The following SRBD1 variants were observed in gnomAD, a reference collection of about 807,000 sequenced individuals.
SRBD1 encodes the protein S1 RNA binding domain 1, also known as S1 RNA-binding domain-containing protein 1.
In SRBD1, 88 loss-of-function variants were observed where a neutral mutation model predicts 115.3. That is an observed-to-expected ratio of 0.76 (90% CI 0.64 to 0.91). SRBD1 has a LOEUF of 0.91. Ranked by LOEUF, SRBD1 falls within the 40% of genes least tolerant of loss-of-function variation. The pLI is 0.00. For missense variants in SRBD1, 1,385 were observed against 1,177.4 expected (o/e 1.18, Z -2.58); for synonymous variants, 509 against 407.7 (o/e 1.25, Z -2.99).
intron 14 of SRBD1, among the ~76,000 whole-genome samples, chr2:45,526,407 T>C (rs1205339591): frequency 1.3e-5 from 2 of 151,924 alleles, no homozygotes; most frequent in Non-Finnish European, 2.9e-5. Flanking sequence ...GAAATCTATC[T>C]ATAGAGACAA....
intron 16 of SRBD1, among the ~76,000 whole-genome samples, chr2:45,471,975 C>G (rs1247814569): frequency 2.0e-5 from 3 of 152,072 alleles, no homozygotes; most frequent in African/African-American, 7.2e-5. Context: ...CAAATCCATT[C>G]TGAGGTATAC....
chr2:45,452,884 C>A lies in SRBD1; in HGVS notation c.2049+24109G>T, dbSNP rs181692421. Among the ~76,000 whole-genome samples, 28 of 151,952 alleles carry A rather than the reference C, an allele frequency of 1.8e-4. No individual in the cohort carries two copies. In the East Asian group the frequency reaches 2.9e-3, roughly 16 times the overall value. ...ATGCAAATGGTTAATGTGGAATAAA[C>A]TGTATACTAGGTTTTCGTTAGAATG... On this transcript the variant is annotated intron_variant, in intron 16 of 20. Transcript: ENST00000263736.
intron 1 of SRBD1, among the ~76,000 whole-genome samples, chr2:45,606,486 G>A (rs1016163339): frequency 6.6e-6 from 1 of 152,110 alleles, no homozygotes; most frequent in Non-Finnish European, 1.5e-5. Flanking sequence ...AATGAATAAA[G>A]TAGAGGTCTC....
At chr2:45,405,643 T>C (rs1443147450) in intron 19 of SRBD1, among the ~76,000 whole-genome samples, 1 of 151,978 alleles carries the variant, frequency 6.6e-6, no homozygotes, top group Non-Finnish European at 1.5e-5. Flanking sequence ...GGTCAAAAGC[T>C]TGAAGAATAT....
At chr2:45,586,992 T>TAAATTATAAATATTA (rs1350015658) in intron 4 of SRBD1, among the ~76,000 whole-genome samples, 64 of 64,576 alleles carry the variant, frequency 9.9e-4, no homozygotes, top group African/African-American at 2.4e-3. Flanking sequence ...AAAATTATTT[T>TAAATTATAAATATTA]AAATATTTAA....
chr2:45,418,336 A>G, intron 18 of SRBD1, 29 bp downstream of exon 18: 8 of 1,601,082 alleles, frequency 5.0e-6, no homozygotes, highest in Non-Finnish European at 6.8e-6. Context: ...GAGGTTGACA[A>G]TAGAATCAAA....
intron 14 of SRBD1, among the ~76,000 whole-genome samples, chr2:45,488,573 C>T (rs961951157): frequency 2.0e-5 from 3 of 152,054 alleles, no homozygotes; most frequent in Non-Finnish European, 4.4e-5. Context: ...TCAGAGAAAT[C>T]AGTTGCTTTC....
intron 18 of SRBD1, among the ~76,000 whole-genome samples, chr2:45,416,844 T>C (rs2103626028): frequency 6.6e-6 from 1 of 152,258 alleles, no homozygotes; most frequent in Non-Finnish European, 1.5e-5. Context: ...AGCGGCATGA[T>C]CTCGGCTCAC....
At chr2:45,517,745 A>C (rs372492656) in intron 14 of SRBD1, among the ~76,000 whole-genome samples, 19 of 152,210 alleles carry the variant, frequency 1.2e-4, no homozygotes, top group African/African-American at 3.9e-4. Context: ...CTATAATCCC[A>C]GCACTTTAGA....
intron 16 of SRBD1, among the ~76,000 whole-genome samples, chr2:45,433,553 C>T (rs967948239): frequency 1.3e-5 from 2 of 152,090 alleles, no homozygotes; most frequent in Non-Finnish European, 2.9e-5. Context: ...AAGAGTCATC[C>T]AAACGAGTGT....
chr2:45,419,010 CTA>C (rs1667919451), intron 17 of SRBD1, among the ~76,000 whole-genome samples: 1 of 152,106 alleles, frequency 6.6e-6, no homozygotes. Flanking sequence ...AGGCCCTTAT[CTA>C]TAATTGTCAT....
At chr2:45,573,470 G>T in intron 8 of SRBD1, 128 bp from the exon 9 acceptor site, 3 of 1,069,802 alleles carry the variant, frequency 2.8e-6, no homozygotes, top group Non-Finnish European at 3.9e-6. Context: ...ATGATGCCCA[G>T]CTATGAAATT....
chr2:45,475,289 C>T (rs1368008848), intron 16 of SRBD1, among the ~76,000 whole-genome samples: 1 of 152,104 alleles, frequency 6.6e-6, no homozygotes, highest in African/African-American at 2.4e-5. Context: ...TAACTTTGTC[C>T]AAGCACTATT....
At chr2:45,566,725 T>C (rs566609828) in intron 9 of SRBD1, among the ~76,000 whole-genome samples, 37 of 152,332 alleles carry the variant, frequency 2.4e-4, no homozygotes, top group African/African-American at 7.9e-4. Context: ...AAAGCACTCT[T>C]TAATACCAAT....
intron 16 of SRBD1, among the ~76,000 whole-genome samples, chr2:45,421,758 A>C (rs529849534): frequency 1.3e-5 from 2 of 152,234 alleles, no homozygotes; most frequent in South Asian, 2.1e-4. Flanking sequence ...TTACATTATT[A>C]CCATTTAATA....
chr2:45,443,060 G>T (rs922179860), intron 16 of SRBD1, among the ~76,000 whole-genome samples: 2 of 152,178 alleles, frequency 1.3e-5, no homozygotes, highest in Non-Finnish European at 2.9e-5. Flanking sequence ...GAGTAGACAA[G>T]CTCTTGTAAG....
chr2:45,513,386 G>A, intron 14 of SRBD1, among the ~76,000 whole-genome samples: 1 of 150,646 alleles, frequency 6.6e-6, no homozygotes, highest in East Asian at 1.9e-4. Context: ...TAGATTACAA[G>A]CTGAAAGTTC....
At chr2:45,430,105 G>A (rs1424985302) in intron 16 of SRBD1, among the ~76,000 whole-genome samples, 2 of 152,036 alleles carry the variant, frequency 1.3e-5, no homozygotes, top group Admixed American at 6.5e-5. Context: ...TCTTCAAGGA[G>A]AACTACAAAC....
At chr2:45,515,871 T>C (rs2103939731) in intron 14 of SRBD1, among the ~76,000 whole-genome samples, 1 of 152,304 alleles carries the variant, frequency 6.6e-6, no homozygotes, top group African/African-American at 2.4e-5. Context: ...AGTAGGCAGG[T>C]CATAAATTCA....
Sources: gnomAD v4.1 joint callset for allele counts (sites outside exome capture counted in the v4.1 genomes callset) on GRCh38, gnomAD v4.1.1 for gene constraint, MANE v1.5 for transcripts, NCBI Gene and HGNC (gene_info 2026-07-23, HGNC 2026-07-21) for gene names.